Variants in STK32B observed in about 807,000 individuals in gnomAD.
STK32B encodes the protein serine/threonine kinase 32B.
STK32B carries 43 observed loss-of-function variants against 52.6 expected under a neutral mutation model. The observed-to-expected ratio is 0.82, with a 90% CI of 0.64 to 1.05. The LOEUF (loss-of-function observed/expected upper bound fraction) is 1.05, where lower values mean the gene tolerates loss of function less well. STK32B is among the 50% of genes least tolerant of loss of function. The probability of loss-of-function intolerance (pLI) is 0.00; values close to 1 mark genes in which losing one functional copy is unlikely to be tolerated. For missense variants in STK32B, 621 were observed against 534.6 expected (o/e 1.16, Z -1.59); for synonymous variants, 238 against 204.3 (o/e 1.17, Z -1.41).
intron 1 of STK32B, among the ~76,000 whole-genome samples, chr4:5,052,820 C>T (rs546051946): frequency 7.7e-4 from 117 of 152,304 alleles, no homozygotes; most frequent in Admixed American, 1.6e-3. Flanking sequence ...ACTCGCCAGT[C>T]TCCACTGTGC....
chr4:5,345,830 A>C lies in STK32B; in HGVS notation c.434+14437A>C, dbSNP rs1305795347. On this transcript the variant is annotated intron_variant, in intron 4 of 11. Transcript: ENST00000282908. ...TGGAAACGTCACATGGATGACTCTC[A>C]TGGAAAAATGAAATTCTTTTGCTTT... Among the ~76,000 whole-genome samples, 3 of 152,236 alleles carry C rather than the reference A, an allele frequency of 2.0e-5. No individual in the cohort carries two copies. The East Asian group carries it at 5.8e-4, about 29-fold the overall frequency.
chr4:5,328,080 C>T (rs1447651322), intron 3 of STK32B, among the ~76,000 whole-genome samples: 1 of 152,178 alleles, frequency 6.6e-6, no homozygotes, highest in Non-Finnish European at 1.5e-5. Context: ...TTCTGCAACT[C>T]CCTCACCTCT....
At chr4:5,338,992 G>A (rs949658879) in intron 4 of STK32B, among the ~76,000 whole-genome samples, 1 of 152,166 alleles carries the variant, frequency 6.6e-6, no homozygotes, top group African/African-American at 2.4e-5. Context: ...CCTCCCCAAT[G>A]TCGTGGGCAT....
chr4:5,218,672 C>T (rs1259877406), intron 3 of STK32B, among the ~76,000 whole-genome samples: 1 of 152,178 alleles, frequency 6.6e-6, no homozygotes, highest in Non-Finnish European at 1.5e-5. Context: ...ATTCCTTTAG[C>T]ACCCGTTCTT....
At chr4:5,472,639 A>G (rs1205874358) in intron 11 of STK32B, among the ~76,000 whole-genome samples, 2 of 152,198 alleles carry the variant, frequency 1.3e-5, no homozygotes, top group Admixed American at 6.5e-5. Flanking sequence ...CCTGGTGAGG[A>G]AGGAATTTAA....
chr4:5,441,239 C>T (rs1332199336), intron 6 of STK32B, among the ~76,000 whole-genome samples: 1 of 151,616 alleles, frequency 6.6e-6, no homozygotes, highest in Non-Finnish European at 1.5e-5. Flanking sequence ...TGGTCCTGGA[C>T]TCTTTTTGGT....
rs1735716532 is a variant in STK32B at position 5,378,412 on chromosome 4, CATTTT to C, written c.435-19784_435-19780del. The stretch of plus-strand genomic sequence containing the variant: ...GCCTGGGTCGTAGCCCTGGACTTTG[CATTTT>C]ATTTTATTTTTTTCCTTTATGACGT... On this transcript the variant is annotated intron_variant, in intron 4 of 11. Transcript: ENST00000282908. The surrounding 1 kb of genome is among the most constrained non-coding windows in gnomAD (Gnocchi z 4.4). Among the ~76,000 whole-genome samples the C allele has an allele frequency of 1.3e-5, 2 of 152,260 alleles. No homozygotes were observed. Among genetic ancestry groups the C allele is most frequent in the Admixed American group, 6.5e-5 (1 of 15,294 alleles).
At chr4:5,468,322 C>G (rs1483433541) in intron 11 of STK32B, among the ~76,000 whole-genome samples, 1 of 152,230 alleles carries the variant, frequency 6.6e-6, no homozygotes, top group Non-Finnish European at 1.5e-5. Context: ...GAGGCTGCAG[C>G]AGCCCTGAGC....
At chr4:5,370,308 C>A (rs1225854074) in intron 4 of STK32B, among the ~76,000 whole-genome samples, 4 of 152,128 alleles carry the variant, frequency 2.6e-5, no homozygotes, top group African/African-American at 9.7e-5. Context: ...TGGTACCTGC[C>A]ACATTGGAGC....
intron 3 of STK32B, among the ~76,000 whole-genome samples, chr4:5,229,771 C>T (rs1724128037): frequency 6.6e-6 from 1 of 151,876 alleles, no homozygotes; most frequent in Non-Finnish European, 1.5e-5. Flanking sequence ...TAAACGAACA[C>T]AAAACTAAAT....
rs748609359 is a variant in STK32B, at chr4:5,399,899, G to C, written c.472+1655G>C. 2.2e-4 allele frequency among the ~76,000 whole-genome samples: 33 copies of C among 152,218 alleles called. No homozygotes were observed. Among genetic ancestry groups the C allele is most frequent in the Non-Finnish European group, 4.3e-4 (29 of 68,012 alleles). ...AGGCAAGGTCAAATCACAGAAGCAGGGTAAAGAGGTGAGAAAACACAGAGG... is the reference window on the plus strand; with the variant it reads ...AGGCAAGGTCAAATCACAGAAGCAGCGTAAAGAGGTGAGAAAACACAGAGG... On this transcript the variant is annotated intron_variant, in intron 5 of 11. Transcript: ENST00000282908. This position sits in a 1 kb window ranked among gnomAD's most constrained non-coding sequence, Gnocchi z 5.4.
chr4:5,144,282 C>A (rs1218739495), intron 2 of STK32B, among the ~76,000 whole-genome samples: 1 of 152,170 alleles, frequency 6.6e-6, no homozygotes, highest in Non-Finnish European at 1.5e-5. Flanking sequence ...ATATTGGTGT[C>A]TTCTGCATAG....
intron 3 of STK32B, among the ~76,000 whole-genome samples, chr4:5,225,804 C>A (rs759555300): frequency 4.6e-5 from 7 of 152,210 alleles, no homozygotes; most frequent in Non-Finnish European, 8.8e-5. Flanking sequence ...CAAACCAGAA[C>A]ATTTTCCATT....
At chr4:5,489,256 GA>G (rs1486839975) in intron 11 of STK32B, among the ~76,000 whole-genome samples, 13 of 151,962 alleles carry the variant, frequency 8.6e-5, no homozygotes, top group Non-Finnish European at 2.9e-5. Flanking sequence ...TATGAGAATT[GA>G]GATATTAGAC....
intron 1 of STK32B, among the ~76,000 whole-genome samples, chr4:5,108,598 T>G (rs1714234958): frequency 6.6e-6 from 1 of 152,222 alleles, no homozygotes. Context: ...ACTTAAAGAT[T>G]TATTTGTGGC....
At chr4:5,149,220 T>A (rs932759318) in intron 2 of STK32B, among the ~76,000 whole-genome samples, 1 of 151,906 alleles carries the variant, frequency 6.6e-6, no homozygotes, top group African/African-American at 2.4e-5. Flanking sequence ...TTTTCATTCT[T>A]TGTTTTTATA....
At chr4:5,348,604 C>A (rs1577379769) in intron 4 of STK32B, among the ~76,000 whole-genome samples, 1 of 152,274 alleles carries the variant, frequency 6.6e-6, no homozygotes, top group East Asian at 1.9e-4. Flanking sequence ...AAGCAAAGTG[C>A]ACACCCCCAA....
chr4:5,114,475 G>A (rs1714602642), intron 1 of STK32B, among the ~76,000 whole-genome samples: 1 of 152,008 alleles, frequency 6.6e-6, no homozygotes, highest in South Asian at 2.1e-4. Context: ...GATGATGTCT[G>A]TCTTATTTCT....
rs114621924 is a variant in STK32B at position 5,500,526 on chromosome 4, T to C, written c.*1443T>C. 2.5e-3 allele frequency: 386 copies of C among 152,360 alleles called. 5 individuals are homozygous for C. The highest frequency in any genetic ancestry group is 8.8e-3 in the African/African-American group (366 of 41,586). The allele number at this position is 152,360 out of a possible 1,614,324, so 9.4% of individuals were successfully genotyped here. ...TTTGTTTGTTACATCCTGCTGAAGT[T>C]CGACTGTGTTTTTATTTTTTCATCC... On this transcript the variant is annotated 3_prime_UTR_variant, in exon 12 of 12. Transcript: ENST00000282908.
Sources: allele counts gnomAD v4.1 joint callset (sites outside exome capture counted in the v4.1 genomes callset), GRCh38; gene constraint gnomAD v4.1.1; non-coding constraint Gnocchi (gnomAD v3.1); transcripts MANE v1.5; gene names NCBI Gene and HGNC (gene_info 2026-07-23, HGNC 2026-07-21).